NAV3: variants seen among roughly 807,000 people sequenced by gnomAD.
NAV3 encodes neuron navigator 3.
NAV3 carries 87 observed loss-of-function variants against 244.7 expected under a neutral mutation model. The observed-to-expected ratio is 0.36, with a 90% CI of 0.30 to 0.42. The LOEUF is 0.42. Ranked by LOEUF, NAV3 falls within the 20% of genes least tolerant of loss-of-function variation. The pLI is 1.00. For synonymous variants in NAV3, 1,126 were observed against 1,042.2 expected (o/e 1.08, Z -1.55); for missense variants, 2,663 against 2,893.3 (o/e 0.92, Z 1.83).
intron 2 of NAV3, among the ~76,000 whole-genome samples, chr12:77,609,042 A>G (rs1305210041): frequency 6.6e-6 from 1 of 152,096 alleles, no homozygotes; most frequent in African/African-American, 2.4e-5. Flanking sequence ...GCCTTCTAAT[A>G]CAGGACCTCT....
At chr12:77,871,856 T>G (rs1881022054) in intron 1 of NAV3, among the ~76,000 whole-genome samples, 3 of 152,168 alleles carry the variant, frequency 2.0e-5, no homozygotes, top group African/African-American at 2.4e-5. Context: ...CCTTGAGGAA[T>G]TGCCCCACTG....
At chr12:77,836,176 A>C (rs1874594462) in intron 1 of NAV3, among the ~76,000 whole-genome samples, 1 of 152,226 alleles carries the variant, frequency 6.6e-6, no homozygotes, top group Non-Finnish European at 1.5e-5. Flanking sequence ...CTGGAAGTTA[A>C]GGTTAAGAAA....
intron 22 of NAV3, among the ~76,000 whole-genome samples, chr12:78,154,253 C>CTG (rs1957191684): frequency 2.0e-5 from 2 of 100,084 alleles, no homozygotes; most frequent in East Asian, 6.3e-4. Context: ...TTATATATTA[C>CTG]TATATAATAT....
intron 2 of NAV3, among the ~76,000 whole-genome samples, chr12:77,713,251 T>G (rs1443907778): frequency 6.6e-6 from 1 of 152,236 alleles, no homozygotes; most frequent in African/African-American, 2.4e-5. Context: ...TACTGGCTTC[T>G]GATTTTTTAA....
At chr12:77,788,658 C>G (rs1301854737) in intron 2 of NAV3, among the ~76,000 whole-genome samples, 4 of 150,322 alleles carry the variant, frequency 2.7e-5, no homozygotes, top group Admixed American at 2.7e-4. Flanking sequence ...TCCTCCTCCT[C>G]CTTCCCACCC....
At chr12:77,760,173 A>C (rs1869392598) in intron 2 of NAV3, among the ~76,000 whole-genome samples, 1 of 152,250 alleles carries the variant, frequency 6.6e-6, no homozygotes, top group Non-Finnish European at 1.5e-5. Flanking sequence ...CATGTGTATA[A>C]AGCAAGTAGT....
intron 2 of NAV3, among the ~76,000 whole-genome samples, chr12:77,661,504 CTT>C (rs1365069980): frequency 6.6e-6 from 1 of 151,936 alleles, no homozygotes; most frequent in African/African-American, 2.4e-5. Context: ...TGTGGCTTGT[CTT>C]TTCACTTTCT....
At chr12:78,081,613 C>T (rs987932072) in intron 12 of NAV3, among the ~76,000 whole-genome samples, 4 of 152,066 alleles carry the variant, frequency 2.6e-5, no homozygotes, top group Non-Finnish European at 5.9e-5. Flanking sequence ...ATCTATTTAC[C>T]CATGTAAATA....
intron 2 of NAV3, among the ~76,000 whole-genome samples, chr12:77,820,094 G>GTGTA (rs1410315879): frequency 2.0e-5 from 3 of 150,480 alleles, no homozygotes; most frequent in Non-Finnish European, 3.0e-5. Context: ...ATTGAAGTGT[G>GTGTA]TGTGTGTGTG....
At chr12:78,109,589 AT>A (rs1954982768) in intron 12 of NAV3, among the ~76,000 whole-genome samples, 1 of 152,088 alleles carries the variant, frequency 6.6e-6, no homozygotes, top group African/African-American at 2.4e-5. Context: ...CATCAAAAAA[AT>A]AATATACCAC....
intron 2 of NAV3, among the ~76,000 whole-genome samples, chr12:77,773,138 C>G (rs1200886501): frequency 1.3e-5 from 2 of 152,064 alleles, no homozygotes; most frequent in Non-Finnish European, 2.9e-5. Flanking sequence ...TTGGCATGCC[C>G]TTCAGTAATA....
At chr12:78,138,815 C>T (rs936472409) in intron 19 of NAV3, among the ~76,000 whole-genome samples, 2 of 152,148 alleles carry the variant, frequency 1.3e-5, no homozygotes, top group Non-Finnish European at 2.9e-5. Flanking sequence ...TGAAAGCTAG[C>T]CTAAGTGGGC....
intron 22 of NAV3, among the ~76,000 whole-genome samples, chr12:78,154,952 A>G (rs978376262): frequency 1.3e-5 from 2 of 152,040 alleles, no homozygotes; most frequent in African/African-American, 2.4e-5. Context: ...GCCTCTCATA[A>G]CTTCTAAAGT....
intron 9 of NAV3, among the ~76,000 whole-genome samples, chr12:78,028,477 C>T (rs1878445899): frequency 6.6e-6 from 1 of 152,060 alleles, no homozygotes; most frequent in African/African-American, 2.4e-5. Context: ...GTTTTGATGC[C>T]TCAGAAAGAT....
intron 11 of NAV3, among the ~76,000 whole-genome samples, chr12:78,055,855 G>A (rs1249591246): frequency 1.3e-5 from 2 of 152,164 alleles, no homozygotes; most frequent in Non-Finnish European, 2.9e-5. Context: ...TTGGTTTGAT[G>A]ACATCTGGCT....
chr12:77,756,845 T>C (rs1023881516), intron 2 of NAV3, among the ~76,000 whole-genome samples: 1 of 152,132 alleles, frequency 6.6e-6, no homozygotes, highest in African/African-American at 2.4e-5. Context: ...ATTAAAAAAT[T>C]ATATATAGTA....
intron 9 of NAV3, among the ~76,000 whole-genome samples, chr12:78,031,741 G>T (rs1322121111): frequency 1.0e-4 from 12 of 115,436 alleles, no homozygotes; most frequent in African/African-American, 3.3e-4. Context: ...GTGGTGGGGT[G>T]GGGGGAGGGG....
chr12:77,689,812 A>T (rs1874923074), intron 2 of NAV3, among the ~76,000 whole-genome samples: 1 of 151,914 alleles, frequency 6.6e-6, no homozygotes, highest in African/African-American at 2.4e-5. Context: ...GCATATATTT[A>T]GTACTACTAG....
intron 12 of NAV3, among the ~76,000 whole-genome samples, chr12:78,085,655 T>C (rs1227028500): frequency 1.3e-5 from 2 of 152,064 alleles, no homozygotes; most frequent in Non-Finnish European, 2.9e-5. Flanking sequence ...AGAAACATAT[T>C]GCGTGTGGGC....
Sources: gnomAD v4.1 joint callset for allele counts (sites outside exome capture counted in the v4.1 genomes callset) on GRCh38, gnomAD v4.1.1 for gene constraint, MANE v1.5 for transcripts, NCBI Gene and HGNC (gene_info 2026-07-23, HGNC 2026-07-21) for gene names.